INVS: variants seen among roughly 807,000 people sequenced by gnomAD.
INVS encodes the protein inversion of embryo turning homolog.
Under a neutral mutation model 108.8 loss-of-function variants are expected in INVS, and 86 were observed. That is an observed-to-expected ratio of 0.79 (90% confidence interval 0.66 to 0.95). The LOEUF is 0.95. INVS is among the 40% of genes least tolerant of loss of function. INVS has a pLI of 0.00. For synonymous variants in INVS, 455 were observed against 473.5 expected, an observed-to-expected ratio of 0.96 and a Z score of 0.51; for missense variants, 1,169 against 1,297.4, an observed-to-expected ratio of 0.90 and a Z score of 1.52.
intron 3 of INVS, among the ~76,000 whole-genome samples, chr9:100,150,106 TC>T (rs1322135266): frequency 5.9e-5 from 9 of 152,226 alleles, no homozygotes; most frequent in Non-Finnish European, 1.5e-5. Context: ...GGTTTCTTTC[TC>T]ATAGGTCAGA....
chr9:100,279,936 A>G (rs551022955), intron 12 of INVS, among the ~76,000 whole-genome samples: 16 of 152,146 alleles, frequency 1.1e-4, no homozygotes, highest in Non-Finnish European at 1.3e-4. Context: ...CATAACTCCA[A>G]CTGTGCAGGG....
chr9:100,118,760 A>G (rs890477162), intron 2 of INVS, among the ~76,000 whole-genome samples: 1 of 151,988 alleles, frequency 6.6e-6, no homozygotes, highest in Non-Finnish European at 1.5e-5. Context: ...TCCCAGGTTC[A>G]AGCGATTCTC....
intron 11 of INVS, among the ~76,000 whole-genome samples, chr9:100,265,968 A>G (rs1832778478): frequency 6.6e-6 from 1 of 152,134 alleles, no homozygotes; most frequent in Non-Finnish European, 1.5e-5. Flanking sequence ...AATCCCAACT[A>G]CTCAGGAGGC....
chr9:100,298,224 C>A (rs1429899064), intron 16 of INVS: 1 of 1,451,860 alleles, frequency 6.9e-7, no homozygotes, highest in Non-Finnish European at 9.0e-7. Flanking sequence ...ACATTAACTC[C>A]AACAGAAATA....
In INVS at chr9:100,242,617, A is replaced by T; in HGVS notation, c.844A>T (p.Thr282Ser). 1 of 1,612,720 alleles carries T rather than the reference A, an allele frequency of 6.2e-7. No individual in the cohort carries two copies. Among genetic ancestry groups the T allele is most frequent in the Non-Finnish European group, 8.5e-7 (1 of 1,178,846 alleles). ...HLLLERNKSG[T>S]IPSDSQGATP... The stretch of plus-strand genomic sequence containing the variant: ...CCTTTTAGAAAGAAATAAGTCTGGA[A>T]CTATCCCATCTGACAGCCAAGGAGC... The change falls in exon 7 of 17, where the codon ACT (threonine) becomes TCT (serine). Residue 282 changes from threonine (T) to serine (S), a missense_variant. Thr to Ser is a moderately conservative substitution (Grantham distance 58). Coordinates refer to ENST00000262457, the MANE Select transcript of INVS (RefSeq NM_014425.5).
chr9:100,274,963 TTAA>T (rs1447532833), intron 12 of INVS, among the ~76,000 whole-genome samples: 2 of 152,256 alleles, frequency 1.3e-5, no homozygotes, highest in Non-Finnish European at 2.9e-5. Context: ...ATAAGTCATT[TTAA>T]TGAGAAGTTA....
At chr9:100,126,267 A>G (rs1827880323) in intron 2 of INVS, 116 bp from the exon 3 acceptor site, 3 of 818,052 alleles carry the variant, frequency 3.7e-6, no homozygotes, top group Non-Finnish European at 6.0e-6. Flanking sequence ...AAGTAAAAAT[A>G]AGATGATATA....
Position 100,240,221 on chromosome 9 carries a change from G to A in INVS, c.777G>A (p.Leu259=). The A allele has an allele frequency of 6.2e-7, 1 of 1,613,804 alleles. No individual in the cohort carries two copies. The highest frequency in any genetic ancestry group is 1.1e-5 in the South Asian group (1 of 91,080). The change falls in exon 6 of 17, where the codon CTG becomes CTA. Residue 259 remains leucine (L), a synonymous_variant. Transcript: ENST00000262457. ...ATGATAACTTATTTCGAACCCCACT[G>A]CACTGGGCAGCTTTATTAGGTACGT... ...TSYDNLFRTP[L]HWAALLGHAQ...
chr9:100,293,363 GC>G (rs967149430), intron 14 of INVS, among the ~76,000 whole-genome samples: 2 of 152,126 alleles, frequency 1.3e-5, no homozygotes, highest in Admixed American at 1.3e-4. Flanking sequence ...AAATCACATG[GC>G]CCCCCTGACC....
In INVS at chr9:100,299,555, AACACACAC is replaced by A. The variant is rs55800849; in HGVS notation, c.3092-985_3092-978del. 1.2e-3 allele frequency among the ~76,000 whole-genome samples: 149 copies of A among 125,732 alleles called. 2 individuals carry two copies. Among genetic ancestry groups the A allele is most frequent in the African/African-American group, 2.4e-3 (81 of 33,618 alleles). 82.5% of individuals were successfully genotyped at this position (125,732 alleles called of 152,430 possible). A position where few individuals can be genotyped will look rare whatever the true frequency, so the allele number is the denominator to read the frequency against. ...TCAGCAGAGCCTTTTATTGACACAC[AACACACAC>A]ACACACACACACACACACACACACA... On this transcript the variant is annotated intron_variant, in intron 16 of 16. Coordinates refer to ENST00000262457, the MANE Select transcript of INVS (RefSeq NM_014425.5).
At chr9:100,212,615 C>T (rs1830866253) in intron 3 of INVS, among the ~76,000 whole-genome samples, 1 of 151,446 alleles carries the variant, frequency 6.6e-6, no homozygotes, top group African/African-American at 2.4e-5. Context: ...TTTTTTCTCC[C>T]ATCTCTTCAG....
chr9:100,143,255 A>G (rs978019834), intron 3 of INVS, among the ~76,000 whole-genome samples: 2 of 152,102 alleles, frequency 1.3e-5, no homozygotes, highest in African/African-American at 2.4e-5. Context: ...ACCACGGGGT[A>G]GATAGGCAAA....
chr9:100,100,786 T>TA (rs1554712482), intron 1 of INVS, among the ~76,000 whole-genome samples: 2 of 4,318 alleles, frequency 4.6e-4, no homozygotes, highest in Non-Finnish European at 5.9e-4. Flanking sequence ...ATAATATATA[T>TA]TATATATATA....
intron 13 of INVS, among the ~76,000 whole-genome samples, chr9:100,285,653 C>T (rs1457024127): frequency 6.6e-6 from 1 of 152,206 alleles, no homozygotes; most frequent in Non-Finnish European, 1.5e-5. Context: ...GGCTCTCTCC[C>T]AGTGGAGTCA....
chr9:100,139,002 G>C (rs7858208), intron 3 of INVS, among the ~76,000 whole-genome samples: 4 of 151,734 alleles, frequency 2.6e-5, no homozygotes, highest in Non-Finnish European at 5.9e-5. Flanking sequence ...CACCGCGCCC[G>C]GCCTTATTGA....
chr9:100,144,710 G>T (rs1828546468), intron 3 of INVS, among the ~76,000 whole-genome samples: 1 of 152,104 alleles, frequency 6.6e-6, no homozygotes, highest in South Asian at 2.1e-4. Flanking sequence ...TAGGGTGGAG[G>T]AGCTGAGGCT....
At chr9:100,105,993 CA>C (rs1262866829) in intron 2 of INVS, among the ~76,000 whole-genome samples, 2 of 150,864 alleles carry the variant, frequency 1.3e-5, no homozygotes, top group African/African-American at 4.9e-5. Flanking sequence ...TTACCCACTT[CA>C]AATAGGCACT....
chr9:100,278,683 C>T lies in INVS; in HGVS notation c.1784+5607C>T, dbSNP rs369862801. ...GGCCTTAGTTTCCCCATCTGTCAAA[C>T]GGAAGGGTTAGACCAAATACTCTCT... On this transcript the variant is annotated intron_variant, in intron 12 of 16. Transcript: ENST00000262457. Among the ~76,000 whole-genome samples the T allele has an allele frequency of 4.7e-4, 72 of 152,314 alleles. 1 individual carries two copies. In the South Asian group the frequency reaches 0.014, roughly 30 times the overall value.
intron 10 of INVS, among the ~76,000 whole-genome samples, chr9:100,261,837 C>G (rs1832634038): frequency 6.6e-6 from 1 of 152,108 alleles, no homozygotes; most frequent in Admixed American, 6.5e-5. Flanking sequence ...TAATTGGCAT[C>G]CTTAATTAAT....
Sources: gnomAD v4.1 joint callset for allele counts (sites outside exome capture counted in the v4.1 genomes callset) on GRCh38, gnomAD v4.1.1 for gene constraint, MANE v1.5 for transcripts, NCBI Gene and HGNC (gene_info 2026-07-23, HGNC 2026-07-21) for gene names.